The following PTPRO variants were observed in gnomAD, a reference collection of about 807,000 sequenced individuals.
PTPRO encodes the protein receptor-type tyrosine-protein phosphatase O.
A neutral mutation model predicts 145.2 loss-of-function variants in PTPRO; 62 were observed. The observed-to-expected ratio is 0.43, with a 90% confidence interval of 0.35 to 0.53. The LOEUF (loss-of-function observed/expected upper bound fraction) is 0.53, where lower values mean the gene tolerates loss of function less well. Ranked by LOEUF, PTPRO falls within the 20% of genes least tolerant of loss-of-function variation. PTPRO has a pLI of 0.01. For synonymous variants in PTPRO, 565 were observed against 514.7 expected (o/e 1.10, Z -1.32); for missense variants, 1,345 against 1,482.7 (o/e 0.91, Z 1.53).
chr12:15,354,243 T>A (rs1937907214), intron 1 of PTPRO, among the ~76,000 whole-genome samples: 2 of 152,220 alleles, frequency 1.3e-5, no homozygotes, highest in South Asian at 4.1e-4. Context: ...ATTTGTAAAC[T>A]GATTTCTTTG....
chr12:15,589,719 T>A, intron 25 of PTPRO, 129 bp downstream of exon 25: 2 of 1,198,974 alleles, frequency 1.7e-6, no homozygotes, highest in Non-Finnish European at 2.4e-6. Context: ...TCTTATTGTA[T>A]ATGTTCAAAC....
chr12:15,433,374 A>G (rs187446968), intron 1 of PTPRO, among the ~76,000 whole-genome samples: 29 of 152,124 alleles, frequency 1.9e-4, no homozygotes, highest in South Asian at 6.2e-4. Context: ...TAGTAGAGAC[A>G]GGGTTTCACC....
intron 1 of PTPRO, among the ~76,000 whole-genome samples, chr12:15,432,881 A>T (rs904703736): frequency 6.6e-6 from 1 of 152,112 alleles, no homozygotes; most frequent in African/African-American, 2.4e-5. Context: ...TAAGTTCCTT[A>T]TAGGTGCTGG....
chr12:15,337,890 G>A (rs1301859781), intron 1 of PTPRO, among the ~76,000 whole-genome samples: 4 of 152,104 alleles, frequency 2.6e-5, no homozygotes, highest in Non-Finnish European at 5.9e-5. Context: ...CAAAGACTAG[G>A]GATTAGGGGA....
At chr12:15,538,371 C>G (rs1177972063) in intron 12 of PTPRO, among the ~76,000 whole-genome samples, 1 of 152,018 alleles carries the variant, frequency 6.6e-6, no homozygotes, top group African/African-American at 2.4e-5. Context: ...ATTACAGGTG[C>G]GCACCACCAC....
At position 15,516,030 on chromosome 12, in the gene PTPRO, A is replaced by G. The variant is rs139635298; in HGVS notation, c.1585+412A>G. On this transcript the variant is annotated intron_variant, in intron 8 of 26. Transcript: ENST00000281171. ...TTTGGAGACAGAGTCTCGCTCTGTC[A>G]CCCAGGTTGGAATGCAGTGGTGCAA... Among the ~76,000 whole-genome samples, 788 of 122,154 alleles carry G rather than the reference A, an allele frequency of 6.5e-3. 3 individuals are homozygous for G. Among genetic ancestry groups the G allele is most frequent in the South Asian group, 9.6e-3 (39 of 4,052 alleles). 80.1% of individuals were successfully genotyped at this position (122,154 alleles called of 152,430 possible). A position where few individuals can be genotyped will look rare whatever the true frequency, so the allele number is the denominator to read the frequency against.
chr12:15,571,108 A>G (rs527874904), intron 19 of PTPRO, among the ~76,000 whole-genome samples: 1 of 152,304 alleles, frequency 6.6e-6, no homozygotes, highest in South Asian at 2.1e-4. Flanking sequence ...GCAGGGAAGC[A>G]GCACAGTTTC....
intron 1 of PTPRO, among the ~76,000 whole-genome samples, chr12:15,360,662 C>A (rs1251976503): frequency 6.6e-6 from 1 of 151,014 alleles, no homozygotes. Flanking sequence ...TATAGAGATA[C>A]TAAATCAAAT....
At chr12:15,374,554 A>G (rs905093691) in intron 1 of PTPRO, among the ~76,000 whole-genome samples, 2 of 152,068 alleles carry the variant, frequency 1.3e-5, no homozygotes, top group Admixed American at 6.6e-5. Flanking sequence ...CAATTTTGGA[A>G]CTCCTCAAAT....
At chr12:15,582,205 C>A (rs920345032) in intron 23 of PTPRO, among the ~76,000 whole-genome samples, 5 of 152,244 alleles carry the variant, frequency 3.3e-5, no homozygotes, top group Non-Finnish European at 7.3e-5. Flanking sequence ...TCCTTGCCCT[C>A]ATTGCGGTAA....
At chr12:15,524,552 A>C (rs1416234691) in intron 10 of PTPRO, among the ~76,000 whole-genome samples, 1 of 152,208 alleles carries the variant, frequency 6.6e-6, no homozygotes, top group Non-Finnish European at 1.5e-5. Context: ...ACATTTATCC[A>C]AAAGACTTTG....
At chr12:15,414,727 C>A (rs747785872) in intron 1 of PTPRO, among the ~76,000 whole-genome samples, 1 of 152,150 alleles carries the variant, frequency 6.6e-6, no homozygotes, top group Non-Finnish European at 1.5e-5. Context: ...GGCCAGAAAC[C>A]TGATCATCTG....
chr12:15,492,962 A>G (rs1003080944), intron 2 of PTPRO, among the ~76,000 whole-genome samples: 1 of 152,234 alleles, frequency 6.6e-6, no homozygotes, highest in African/African-American at 2.4e-5. Context: ...CTGACAGAGC[A>G]TTCCAACTAA....
In PTPRO at chr12:15,384,388, T is replaced by C. The variant is rs559889743; in HGVS notation, c.75+61587T>C. 6.6e-5 allele frequency among the ~76,000 whole-genome samples: 10 copies of C among 152,290 alleles called. No individual in the cohort carries two copies. In the East Asian group the frequency reaches 1.7e-3, roughly 26 times the overall value. On this transcript the variant is annotated intron_variant, in intron 1 of 26. Coordinates refer to ENST00000281171, the MANE Select transcript of PTPRO (RefSeq NM_030667.3). ...ACAAAATACCATAGACTGGGTGGCTTAAACAACAGAAATGTGTTTTCTCAT... is the reference window on the plus strand; with the variant it reads ...ACAAAATACCATAGACTGGGTGGCTCAAACAACAGAAATGTGTTTTCTCAT...
chr12:15,396,824 T>C (rs761508096), intron 1 of PTPRO, among the ~76,000 whole-genome samples: 2 of 152,186 alleles, frequency 1.3e-5, no homozygotes, highest in East Asian at 1.9e-4. Flanking sequence ...ACAATAAAAA[T>C]GGACTTAATC....
chr12:15,427,451 A>G (rs575957471), intron 1 of PTPRO, among the ~76,000 whole-genome samples: 2 of 152,018 alleles, frequency 1.3e-5, no homozygotes, highest in African/African-American at 4.8e-5. Flanking sequence ...TGTCTTGTAT[A>G]TAATTGCTAT....
At chr12:15,421,361 C>T (rs1052357405) in intron 1 of PTPRO, among the ~76,000 whole-genome samples, 1 of 151,932 alleles carries the variant, frequency 6.6e-6, no homozygotes, top group Non-Finnish European at 1.5e-5. Context: ...AATAAATGTA[C>T]TTTTTAAAGA....
At chr12:15,580,586 C>CTTTGCCAA in intron 21 of PTPRO, 111 bp from the exon 22 acceptor site, 1 of 1,350,854 alleles carries the variant, frequency 7.4e-7, no homozygotes, top group Non-Finnish European at 1.1e-6. Flanking sequence ...GTGTGTGATC[C>CTTTGCCAA]TTTGCCAATT....
intron 1 of PTPRO, among the ~76,000 whole-genome samples, chr12:15,323,317 A>G (rs1408960326): frequency 2.0e-5 from 3 of 152,302 alleles, no homozygotes; most frequent in Admixed American, 2.0e-4. Context: ...AGTGTCAGGT[A>G]GAGAGCTTGG....
Sources: allele counts gnomAD v4.1 joint callset (sites outside exome capture counted in the v4.1 genomes callset), GRCh38; gene constraint gnomAD v4.1.1; transcripts MANE v1.5; gene names NCBI Gene and HGNC (gene_info 2026-07-23, HGNC 2026-07-21).